The following SHISA9 variants were observed in gnomAD, a reference collection of about 807,000 sequenced individuals.
SHISA9 encodes the protein shisa family member 9.
A neutral mutation model predicts 38.0 loss-of-function variants in SHISA9; 13 were observed. The ratio of observed to expected loss-of-function variants is 0.34; its 90% CI spans 0.22 to 0.54. The LOEUF (loss-of-function observed/expected upper bound fraction) is 0.54, where lower values mean the gene tolerates loss of function less well. Ranked by LOEUF, SHISA9 falls within the 20% of genes least tolerant of loss-of-function variation. The pLI is 0.91. For missense variants in SHISA9, 538 were observed against 575.8 expected, an observed-to-expected ratio of 0.93 and a Z score of 0.67; for synonymous variants, 275 against 242.0, an observed-to-expected ratio of 1.14 and a Z score of -1.27.
the SHISA9 span, among the ~76,000 whole-genome samples, chr16:13,520,656 G>A: frequency 6.9e-6 from 1 of 144,380 alleles, no homozygotes; most frequent in Non-Finnish European, 1.5e-5. Context: ...CCCTAAAGCA[G>A]TCCATCATCA....
the SHISA9 span, among the ~76,000 whole-genome samples, chr16:13,376,310 T>C: frequency 6.6e-6 from 1 of 152,212 alleles, no homozygotes; most frequent in Non-Finnish European, 1.5e-5. Flanking sequence ...GATAGAGTCA[T>C]GGCATAATAA....
intron 2 of SHISA9, among the ~76,000 whole-genome samples, chr16:13,178,342 T>C (rs551224859): frequency 3.0e-4 from 46 of 151,064 alleles, no homozygotes; most frequent in South Asian, 6.3e-4. Flanking sequence ...TTTTTTTTTC[T>C]TTTCATCTGT....
In SHISA9 at chr16:13,235,160, T is replaced by A. The variant is rs1247495320; in HGVS notation, c.1026T>A (p.Pro342=). 4 of 1,551,616 alleles carry A rather than the reference T, an allele frequency of 2.6e-6. No homozygotes were observed. The highest frequency in any genetic ancestry group is 3.5e-6 in the Non-Finnish European group (4 of 1,147,008). ...GGGCCTTCAGCCCTGAGCACGGTCC[T>A]GCCAAGCAGAATGGACAGAAGTCCC... ...EPRAFSPEHG[P]AKQNGQKSRT... is the part of the protein sequence containing the mutation. The change falls in exon 5 of 5, where the codon CCT becomes CCA. Residue 342 remains proline (P), a synonymous_variant. Transcript: ENST00000558583.
At chr16:13,184,371 C>T (rs2050802256) in intron 2 of SHISA9, among the ~76,000 whole-genome samples, 1 of 152,200 alleles carries the variant, frequency 6.6e-6, no homozygotes, top group Non-Finnish European at 1.5e-5. Context: ...CATTTAAGCT[C>T]CATATTTCAG....
chr16:12,966,934 G>T (rs572450595), intron 2 of SHISA9, among the ~76,000 whole-genome samples: 5 of 152,124 alleles, frequency 3.3e-5, no homozygotes, highest in Admixed American at 1.3e-4. Context: ...CCATTCAACA[G>T]GTTTCCTGGG....
chr16:13,382,386 G>T, the SHISA9 span, among the ~76,000 whole-genome samples: 5 of 151,846 alleles, frequency 3.3e-5, no homozygotes, highest in East Asian at 7.7e-4. Flanking sequence ...AAAATAGCTG[G>T]GTGTGGTGAC....
chr16:13,071,720 C>T (rs1274847864), intron 2 of SHISA9, among the ~76,000 whole-genome samples: 1 of 152,018 alleles, frequency 6.6e-6, no homozygotes, highest in Non-Finnish European at 1.5e-5. Context: ...TTACTGCAAC[C>T]TCCACCTCCC....
rs1435318936 is a variant in SHISA9, at chr16:13,231,472, ACCTTAAAC to A, written c.896-3557_896-3550del. 3.9e-5 allele frequency among the ~76,000 whole-genome samples: 6 copies of A among 152,340 alleles called. No homozygotes were observed. In the East Asian group the frequency reaches 1.2e-3, roughly 29 times the overall value. ...CCCAGCTCTAATATTAACTTGTGCT[ACCTTAAAC>A]AATTCATGACATTTCAGGAATGTGT... On this transcript the variant is annotated intron_variant, in intron 4 of 4. Transcript: ENST00000558583.
chr16:13,205,792 C>A (rs377132334), intron 3 of SHISA9, among the ~76,000 whole-genome samples: 32 of 152,178 alleles, frequency 2.1e-4, no homozygotes, highest in African/African-American at 6.3e-4. Flanking sequence ...GACAGAGTCT[C>A]ACTGTGTCAC....
At chr16:13,390,093 G>A in the SHISA9 span, among the ~76,000 whole-genome samples, 9 of 150,752 alleles carry the variant, frequency 6.0e-5, no homozygotes, top group Admixed American at 1.3e-4. Flanking sequence ...GAAGTACATA[G>A]AACTTAAATA....
At chr16:13,476,712 T>C in the SHISA9 span, among the ~76,000 whole-genome samples, 1 of 150,916 alleles carries the variant, frequency 6.6e-6, no homozygotes, top group Non-Finnish European at 1.5e-5. Flanking sequence ...AATTTTGTCA[T>C]TCAGCCTCAA....
chr16:12,911,943 A>G (rs1227526008), intron 1 of SHISA9, among the ~76,000 whole-genome samples: 1 of 152,236 alleles, frequency 6.6e-6, no homozygotes, highest in Non-Finnish European at 1.5e-5. Context: ...AATTACTTTT[A>G]CCCCAAGCTA....
the SHISA9 span, among the ~76,000 whole-genome samples, chr16:13,393,395 C>T: frequency 6.6e-6 from 1 of 152,342 alleles, no homozygotes; most frequent in Admixed American, 6.5e-5. Context: ...CCAACTTTCC[C>T]TCTTTCGATC....
the SHISA9 span, among the ~76,000 whole-genome samples, chr16:13,441,675 G>C: frequency 3.3e-5 from 5 of 152,250 alleles, no homozygotes; most frequent in East Asian, 3.9e-4. Flanking sequence ...GCCCCCACTG[G>C]ACTGCCCTGT....
intron 2 of SHISA9, among the ~76,000 whole-genome samples, chr16:13,019,442 G>GA (rs1345008679): frequency 6.6e-6 from 1 of 152,038 alleles, no homozygotes; most frequent in Non-Finnish European, 1.5e-5. Context: ...CTCAGTGGGA[G>GA]AGCTCTCTGG....
chr16:13,435,370 C>G, the SHISA9 span, among the ~76,000 whole-genome samples: 1 of 152,102 alleles, frequency 6.6e-6, no homozygotes, highest in Non-Finnish European at 1.5e-5. Flanking sequence ...ATGCACATAA[C>G]AAAGTTAAAT....
rs1362631189 is a variant in SHISA9 at position 13,186,248 on chromosome 16, A to C, written c.692-17146A>C. On this transcript the variant is annotated intron_variant, in intron 2 of 4. Coordinates refer to ENST00000558583, the MANE Select transcript of SHISA9 (RefSeq NM_001145204.3). ...GTGTGTGTGTGTGTGTATGTGTGAA[A>C]TTGTGGGGAAAAAAATAACATGAAA... 3.3e-5 allele frequency among the ~76,000 whole-genome samples: 5 copies of C among 149,620 alleles called. No individual in the cohort carries two copies. In the East Asian group the frequency reaches 9.9e-4, roughly 30 times the overall value.
chr16:13,161,915 T>C (rs565048929), intron 2 of SHISA9, among the ~76,000 whole-genome samples: 19 of 152,364 alleles, frequency 1.2e-4, no homozygotes, highest in South Asian at 2.1e-4. Flanking sequence ...TGATACACAT[T>C]GCATTTCATT....
chr16:13,368,662 TAG>T, the SHISA9 span, among the ~76,000 whole-genome samples: 1 of 149,968 alleles, frequency 6.7e-6, no homozygotes, highest in Non-Finnish European at 1.5e-5. Flanking sequence ...TCTTGGAGGG[TAG>T]AAAAAAACAG....
Sources: allele counts gnomAD v4.1 joint callset (sites outside exome capture counted in the v4.1 genomes callset), GRCh38; gene constraint gnomAD v4.1.1; transcripts MANE v1.5; gene names NCBI Gene and HGNC (gene_info 2026-07-23, HGNC 2026-07-21).